Variants in MAST4 observed in about 807,000 individuals in gnomAD.
MAST4 encodes the protein microtubule-associated serine/threonine-protein kinase 4.
Under a neutral mutation model 162.7 loss-of-function variants are expected in MAST4, and 89 were observed. That is an observed-to-expected ratio of 0.55 (90% CI 0.46 to 0.65). MAST4 has a LOEUF of 0.65. Ranked by LOEUF, MAST4 falls within the 30% of genes least tolerant of loss-of-function variation. The pLI, the probability that MAST4 is intolerant of heterozygous loss-of-function variation, is 0.00. For synonymous variants in MAST4, 1,479 were observed against 1,361.1 expected (o/e 1.09, Z -1.91); for missense variants, 3,153 against 3,374.0 (o/e 0.93, Z 1.62).
intron 4 of MAST4, among the ~76,000 whole-genome samples, chr5:66,995,710 T>A (rs1231822669): frequency 6.6e-6 from 1 of 152,078 alleles, no homozygotes; most frequent in Non-Finnish European, 1.5e-5. Context: ...CGAAAATTTT[T>A]TAAATTTAAA....
chr5:67,052,662 C>G (rs942712156), intron 4 of MAST4, among the ~76,000 whole-genome samples: 1 of 151,454 alleles, frequency 6.6e-6, no homozygotes, highest in Non-Finnish European at 1.5e-5. Context: ...ACAGACATTT[C>G]TTATGAATTT....
intron 5 of MAST4, among the ~76,000 whole-genome samples, chr5:67,088,825 C>A (rs1183418420): frequency 6.6e-6 from 1 of 152,204 alleles, no homozygotes; most frequent in Non-Finnish European, 1.5e-5. Flanking sequence ...TGCTGTCTGT[C>A]TTAAAGTTAA....
chr5:66,792,873 G>A (rs749085977), intron 3 of MAST4, among the ~76,000 whole-genome samples: 1 of 152,210 alleles, frequency 6.6e-6, no homozygotes, highest in Non-Finnish European at 1.5e-5. Context: ...GTGTGTTCAA[G>A]TATGGGGGGG....
At chr5:66,647,364 C>T (rs1745909462) in intron 1 of MAST4, among the ~76,000 whole-genome samples, 1 of 152,076 alleles carries the variant, frequency 6.6e-6, no homozygotes, top group African/African-American at 2.4e-5. Flanking sequence ...ACCCCATGTC[C>T]TTGAGTACGA....
chr5:67,119,467 A>G lies in MAST4; in HGVS notation c.1659+718A>G, dbSNP rs187080436. ...GAGCAGTCTGTGTAGCCTGGGGGATAAGAACCCAGGCTCTGGAGTCAGGTT... is the reference window on the plus strand; with the variant it reads ...GAGCAGTCTGTGTAGCCTGGGGGATGAGAACCCAGGCTCTGGAGTCAGGTT... On this transcript the variant is annotated intron_variant, in intron 13 of 28. Coordinates refer to ENST00000403625, the MANE Select transcript of MAST4 (RefSeq NM_001164664.2). Among the ~76,000 whole-genome samples the G allele has an allele frequency of 2.6e-5, 4 of 152,252 alleles. No homozygotes were observed. In the East Asian group the frequency reaches 7.7e-4, roughly 29 times the overall value.
intron 2 of MAST4, 83 bp from the exon 3 acceptor site, chr5:66,788,587 A>G: frequency 2.2e-6 from 2 of 909,628 alleles, no homozygotes; most frequent in Non-Finnish European, 3.4e-6. Context: ...GGCCAGGAAG[A>G]GACACCCCAC....
In MAST4 at chr5:67,144,785, A is replaced by G. The variant is rs775311229; in HGVS notation, c.2847A>G (p.Glu949=). ...CAGAAACACTGAGCTGGAGTTCAGA[A>G]TATTCTGAAATGTATGTGAAATGCC... The part of the protein sequence containing the change: ...PSTETLSWSS[E]YSEMQQLSTS... The change falls in exon 22 of 29, where the codon GAA becomes GAG. Residue 949 remains glutamate (E), a synonymous_variant. Coordinates refer to ENST00000403625, the MANE Select transcript of MAST4 (RefSeq NM_001164664.2). 2.5e-6 allele frequency: 4 copies of G among 1,606,852 alleles called. No individual in the cohort carries two copies. Among genetic ancestry groups the G allele is most frequent in the African/African-American group, 2.7e-5 (2 of 74,824 alleles).
At chr5:66,903,034 T>G (rs368736317) in intron 4 of MAST4, among the ~76,000 whole-genome samples, 19 of 152,222 alleles carry the variant, frequency 1.2e-4, no homozygotes, top group African/African-American at 4.6e-4. Context: ...AAGAATAAAA[T>G]GATAAGCAAG....
At position 66,951,598 on chromosome 5, in the gene MAST4, ATGTGTGTGTGTGTGTGTG is replaced by A. The variant is rs59043309; in HGVS notation, c.674+51654_674+51671del. 1.6e-3 allele frequency among the ~76,000 whole-genome samples: 198 copies of A among 122,414 alleles called. 1 individual carries two copies. The East Asian group carries it at 0.017, about 10-fold the overall frequency. The allele number at this position is 122,414 out of a possible 152,430, so 80.3% of individuals were successfully genotyped here. A position where few individuals can be genotyped will look rare whatever the true frequency, so the allele number is the denominator to read the frequency against. ...AGGCCATTATTTTGCCTCCCATGAT[ATGTGTGTGTGTGTGTGTG>A]TGTGTGTGTGTGTGTGTGTGTGTGT... On this transcript the variant is annotated intron_variant, in intron 4 of 28. Coordinates refer to ENST00000403625, the MANE Select transcript of MAST4 (RefSeq NM_001164664.2).
intron 1 of MAST4, among the ~76,000 whole-genome samples, chr5:66,703,348 C>T (rs1160731519): frequency 6.6e-6 from 1 of 152,160 alleles, no homozygotes; most frequent in African/African-American, 2.4e-5. Flanking sequence ...CATGTAAAAG[C>T]AGTAATATTG....
chr5:67,166,224 ACAGACAACAG>A lies in MAST4; in HGVS notation c.7046_7055del (p.Thr2349AsnfsTer49). 6.4e-7 allele frequency: 1 copy of A among 1,551,864 alleles called. No individual in the cohort carries two copies. The highest frequency in any genetic ancestry group is 1.2e-5 in the South Asian group (1 of 84,144). ...AGATTGCCCCACCCTGTGCAAACAG[ACAGACAACAG>A]ACAGACAGACAAAAGCCCGAGTCAG... On this transcript the variant is annotated frameshift_variant, in exon 29 of 29. Transcript: ENST00000403625. LOFTEE classifies it low-confidence loss of function (END_TRUNC).
At chr5:67,126,521 T>A (rs1768252136) in intron 14 of MAST4, among the ~76,000 whole-genome samples, 1 of 152,212 alleles carries the variant, frequency 6.6e-6, no homozygotes, top group Non-Finnish European at 1.5e-5. Flanking sequence ...CATTGCTTGT[T>A]TTTGTCAAGT....
chr5:66,934,873 T>G (rs5005126), intron 4 of MAST4, among the ~76,000 whole-genome samples: 11,272 of 152,256 alleles, frequency 0.074, 507 homozygotes, highest in African/African-American at 0.12. Flanking sequence ...GGTAACATGG[T>G]ACTCTTTACT....
chr5:67,022,575 C>G (rs764541918), intron 4 of MAST4, among the ~76,000 whole-genome samples: 8 of 152,110 alleles, frequency 5.3e-5, no homozygotes, highest in African/African-American at 7.2e-5. Context: ...ATAAAAGATA[C>G]TTTTATAGGG....
At chr5:66,600,793 G>T (rs1442176176) in intron 1 of MAST4, among the ~76,000 whole-genome samples, 1 of 152,178 alleles carries the variant, frequency 6.6e-6, no homozygotes, top group Admixed American at 6.5e-5. Flanking sequence ...GAAGAGACTT[G>T]TATATTAACT....
At chr5:66,732,315 T>A (rs548687647) in intron 1 of MAST4, among the ~76,000 whole-genome samples, 1 of 152,090 alleles carries the variant, frequency 6.6e-6, no homozygotes, top group Admixed American at 6.5e-5. Context: ...CCCCCAAGCC[T>A]CATTTTCTGG....
intron 4 of MAST4, among the ~76,000 whole-genome samples, chr5:66,901,440 T>A (rs1763006757): frequency 6.6e-6 from 1 of 152,108 alleles, no homozygotes; most frequent in South Asian, 2.1e-4. Context: ...ATTCTGTTAA[T>A]GTTAGCTGAT....
At chr5:67,115,413 T>C (rs537588760) in intron 12 of MAST4, among the ~76,000 whole-genome samples, 128 of 152,356 alleles carry the variant, frequency 8.4e-4, no homozygotes, top group African/African-American at 2.9e-3. Context: ...TCTGCCCTGC[T>C]CTCCTGTTTC....
Position 67,028,008 on chromosome 5 carries a change from G to A in MAST4, c.675-26396G>A, listed in dbSNP as rs146039978. On this transcript the variant is annotated intron_variant, in intron 4 of 28. Coordinates refer to ENST00000403625, the MANE Select transcript of MAST4 (RefSeq NM_001164664.2). The stretch of plus-strand genomic sequence containing the variant: ...CAGATGAGTCTCTACCTTCTTGAAC[G>A]CTTGCAGCTTTATGGGAAATGCTGT... Among the ~76,000 whole-genome samples, 480 of 152,280 alleles carry A rather than the reference G, an allele frequency of 3.2e-3. 1 individual carries two copies. Among genetic ancestry groups the A allele is most frequent in the Middle Eastern group, 6.8e-3 (2 of 294 alleles).
Sources: allele counts gnomAD v4.1 joint callset (sites outside exome capture counted in the v4.1 genomes callset), GRCh38; gene constraint gnomAD v4.1.1; transcripts MANE v1.5; gene names NCBI Gene and HGNC (gene_info 2026-07-23, HGNC 2026-07-21).